The following CNBD1 variants were observed in gnomAD, a reference collection of about 807,000 sequenced individuals.
The protein encoded by CNBD1 is cyclic nucleotide binding domain containing 1.
A neutral mutation model predicts 54.4 loss-of-function variants in CNBD1; 71 were observed. The observed-to-expected ratio is 1.30, with a 90% CI of 1.08 to 1.59. The LOEUF is 1.59. Ranked by LOEUF, CNBD1 falls within the 40% of genes most tolerant of loss-of-function variation. CNBD1 has a pLI of 0.00. For missense variants in CNBD1, 659 were observed against 518.0 expected (o/e 1.27, Z -2.64); for synonymous variants, 182 against 170.7 (o/e 1.07, Z -0.51).
rs1400243383 is a variant in CNBD1 at position 87,413,151 on chromosome 8, G to C, written c.214-15395G>C. ...AGGAGATATGCGGCCTTATATCCTT[G>C]TGGGAACGTGGCTTGTGGATGAGGC... is the stretch of plus-strand genomic sequence containing the variant. On this transcript the variant is annotated intron_variant, in intron 2 of 7. Coordinates refer to the CNBD1 transcript ENST00000521593. Among the ~76,000 whole-genome samples, 4 of 152,160 alleles carry C rather than the reference G, an allele frequency of 2.6e-5. No homozygotes were observed. In the East Asian group the frequency reaches 7.8e-4, roughly 29 times the overall value.
At position 87,232,051 on chromosome 8, in the gene CNBD1, T is replaced by C. The variant is rs910525165; in HGVS notation, c.578-4868T>C. Reference sequence around the variant, plus strand: ...CAGCATGTACCCTTTTGTGAAAACTTTATTCCAATCAACATAATGCTTCTG... The same window carrying C: ...CAGCATGTACCCTTTTGTGAAAACTCTATTCCAATCAACATAATGCTTCTG... On this transcript the variant is annotated intron_variant, in intron 5 of 10. Transcript: ENST00000518476. Among the ~76,000 whole-genome samples, 80 of 152,304 alleles carry C rather than the reference T, an allele frequency of 5.3e-4. 1 individual carries two copies. The highest frequency in any genetic ancestry group is 1.8e-3 in the African/African-American group (74 of 41,586).
intron 4 of CNBD1, among the ~76,000 whole-genome samples, chr8:87,177,486 C>T (rs1442042320): frequency 2.0e-5 from 3 of 152,140 alleles, no homozygotes; most frequent in African/African-American, 7.2e-5. Context: ...TTTATTAGCA[C>T]AATTGCATAG....
intron 4 of CNBD1, among the ~76,000 whole-genome samples, chr8:87,133,696 T>TAAAAA (rs200198528): frequency 7.0e-6 from 1 of 141,942 alleles, no homozygotes. Flanking sequence ...TCTTTTAAAG[T>TAAAAA]AAAAAAAAAA....
At position 87,026,450 on chromosome 8, in the gene CNBD1, T is replaced by C. The variant is rs192446634; in HGVS notation, c.431+86696T>C. ...ATTAAAAGTTACTTTGAGGGAAAAA[T>C]GTGATATTTCTATTCTTAAAAAAAG... On this transcript the variant is annotated intron_variant, in intron 4 of 10. Coordinates refer to ENST00000518476, the MANE Select transcript of CNBD1 (RefSeq NM_173538.3). Among the ~76,000 whole-genome samples, 227 of 151,372 alleles carry C rather than the reference T, an allele frequency of 1.5e-3. 2 individuals carry two copies. Among genetic ancestry groups the C allele is most frequent in the Non-Finnish European group, 1.5e-4 (10 of 67,876 alleles).
chr8:86,889,922 G>T (rs1202825819), intron 2 of CNBD1, among the ~76,000 whole-genome samples: 1 of 151,858 alleles, frequency 6.6e-6, no homozygotes, highest in Non-Finnish European at 1.5e-5. Flanking sequence ...GGATAGATAT[G>T]GATTTATAGT....
At chr8:87,175,559 T>G (rs917665798) in intron 4 of CNBD1, among the ~76,000 whole-genome samples, 1 of 152,214 alleles carries the variant, frequency 6.6e-6, no homozygotes, top group Non-Finnish European at 1.5e-5. Context: ...AGGCCTTGAA[T>G]GGGAGCTTTG....
intron 6 of CNBD1, among the ~76,000 whole-genome samples, chr8:87,277,367 T>A (rs965895295): frequency 6.6e-6 from 1 of 151,686 alleles, no homozygotes; most frequent in Non-Finnish European, 1.5e-5. Context: ...ATTTACTCAG[T>A]CTATGTATCT....
intron 4 of CNBD1, among the ~76,000 whole-genome samples, chr8:87,067,554 A>T (rs1810679458): frequency 1.3e-5 from 2 of 151,994 alleles, no homozygotes; most frequent in Admixed American, 1.3e-4. Flanking sequence ...TAATGAACCA[A>T]ATACGGAAGG....
intron 8 of CNBD1, among the ~76,000 whole-genome samples, chr8:87,303,364 C>A (rs1048762834): frequency 2.6e-5 from 4 of 151,842 alleles, no homozygotes; most frequent in Non-Finnish European, 5.9e-5. Context: ...TTTGACAAAT[C>A]TGAGAAAAAC....
chr8:87,262,738 C>T (rs552544336), intron 6 of CNBD1, among the ~76,000 whole-genome samples: 5 of 152,148 alleles, frequency 3.3e-5, no homozygotes, highest in South Asian at 2.1e-4. Flanking sequence ...GAAAATTTAC[C>T]GCTTAGGCAT....
chr8:87,133,720 C>T (rs932925645), intron 4 of CNBD1, among the ~76,000 whole-genome samples: 2 of 150,980 alleles, frequency 1.3e-5, no homozygotes, highest in Admixed American at 6.6e-5. Flanking sequence ...GCATATTGCA[C>T]AGAGAAGTGG....
intron 4 of CNBD1, among the ~76,000 whole-genome samples, chr8:87,123,657 T>C (rs1310856743): frequency 4.0e-5 from 6 of 150,818 alleles, no homozygotes; most frequent in Non-Finnish European, 7.4e-5. Flanking sequence ...AACAAGAAAA[T>C]AGTAAAAACC....
intron 4 of CNBD1, among the ~76,000 whole-genome samples, chr8:87,195,650 T>C (rs943136660): frequency 6.6e-6 from 1 of 151,840 alleles, no homozygotes; most frequent in Non-Finnish European, 1.5e-5. Flanking sequence ...CTCGGCTCAC[T>C]GCGACCTCTG....
At chr8:87,280,409 C>T (rs1005140929) in intron 6 of CNBD1, among the ~76,000 whole-genome samples, 1 of 151,400 alleles carries the variant, frequency 6.6e-6, no homozygotes, top group Non-Finnish European at 1.5e-5. Context: ...TAATCACAAA[C>T]TATGGAATAA....
chr8:86,889,672 G>C (rs1808736233), intron 2 of CNBD1, among the ~76,000 whole-genome samples: 1 of 152,042 alleles, frequency 6.6e-6, no homozygotes, highest in African/African-American at 2.4e-5. Flanking sequence ...TAATAACAAA[G>C]GGGGGATGAT....
At chr8:87,118,474 T>C (rs1033705482) in intron 4 of CNBD1, among the ~76,000 whole-genome samples, 2 of 152,110 alleles carry the variant, frequency 1.3e-5, no homozygotes, top group African/African-American at 4.8e-5. Context: ...GAGTGAACTG[T>C]GCTGATAACT....
At chr8:87,158,277 A>G (rs1812786473) in intron 4 of CNBD1, among the ~76,000 whole-genome samples, 1 of 152,144 alleles carries the variant, frequency 6.6e-6, no homozygotes, top group Admixed American at 6.6e-5. Context: ...GGGATTCATA[A>G]TAGGGTCTAC....
intron 4 of CNBD1, among the ~76,000 whole-genome samples, chr8:87,160,673 C>A (rs747355141): frequency 6.6e-6 from 1 of 151,994 alleles, no homozygotes; most frequent in Non-Finnish European, 1.5e-5. Flanking sequence ...AATCTGTAAT[C>A]CTATCTGCAT....
At chr8:87,356,373 G>C (rs192938239) in intron 10 of CNBD1, among the ~76,000 whole-genome samples, 1 of 152,162 alleles carries the variant, frequency 6.6e-6, no homozygotes, top group Non-Finnish European at 1.5e-5. Flanking sequence ...AGTATGGATA[G>C]TGAAGGCCAG....
Sources: gnomAD v4.1 joint callset for allele counts (sites outside exome capture counted in the v4.1 genomes callset) on GRCh38, gnomAD v4.1.1 for gene constraint, MANE v1.5 for transcripts, NCBI Gene and HGNC (gene_info 2026-07-23, HGNC 2026-07-21) for gene names.